Variants in CCSER2 observed in about 807,000 individuals in gnomAD.
The protein encoded by CCSER2 is serine-rich coiled-coil domain-containing protein 2.
A neutral mutation model predicts 92.3 loss-of-function variants in CCSER2; 46 were observed. The observed-to-expected ratio is 0.50, with a 90% confidence interval of 0.39 to 0.64. The LOEUF is 0.64. Among genes scored for constraint, CCSER2 ranks in the 30% least tolerant of loss-of-function variants. The pLI is 0.00. For missense variants in CCSER2, 1,244 were observed against 1,238.9 expected, an observed-to-expected ratio of 1.00 and a Z score of -0.06; for synonymous variants, 433 against 431.4, an observed-to-expected ratio of 1.00 and a Z score of -0.04.
chr10:84,457,314 TAATATA>T (rs1845752583), intron 6 of CCSER2, among the ~76,000 whole-genome samples: 4 of 70,780 alleles, frequency 5.7e-5, no homozygotes, highest in Admixed American at 5.5e-4. Flanking sequence ...ATGTTATATA[TAATATA>T]TTATATATAA....
intron 1 of CCSER2, among the ~76,000 whole-genome samples, chr10:84,363,118 A>T (rs2133125751): frequency 6.9e-6 from 1 of 145,354 alleles, no homozygotes; most frequent in East Asian, 2.0e-4. Flanking sequence ...AAGTGCTGGG[A>T]TTACAGGTGT....
chr10:84,360,749 A>T (rs1185889029), intron 1 of CCSER2, among the ~76,000 whole-genome samples: 3 of 152,120 alleles, frequency 2.0e-5, no homozygotes, highest in African/African-American at 7.2e-5. Flanking sequence ...CTAAGGCCTT[A>T]CCTTTGATAT....
In CCSER2 at chr10:84,483,956, TATATATATATATATATA is replaced by T. The variant is rs1847621910; in HGVS notation, c.2325+6293_2325+6309del. The stretch of plus-strand genomic sequence containing the variant: ...CATCCCACCACACCCGGCTAATTTA[TATATATATATATATATA>T]TATATATATATATATATATATATAA... On this transcript the variant is annotated intron_variant, in intron 9 of 9. Coordinates refer to ENST00000372088, the MANE Select transcript of CCSER2 (RefSeq NM_001284240.2). 7.9e-3 allele frequency among the ~76,000 whole-genome samples: 705 copies of T among 89,140 alleles called. 31 individuals carry two copies. Among genetic ancestry groups the T allele is most frequent in the East Asian group, 0.038 (143 of 3,734 alleles). 58.5% of individuals were successfully genotyped at this position (89,140 alleles called of 152,430 possible).
chr10:84,405,900 A>C (rs1031879866), intron 3 of CCSER2, among the ~76,000 whole-genome samples: 1 of 152,230 alleles, frequency 6.6e-6, no homozygotes, highest in Non-Finnish European at 1.5e-5. Flanking sequence ...TTTCTTGAGA[A>C]GTAAACATAC....
chr10:84,478,082 A>T (rs1313326839), intron 9 of CCSER2, among the ~76,000 whole-genome samples: 3 of 152,188 alleles, frequency 2.0e-5, no homozygotes, highest in Non-Finnish European at 4.4e-5. Context: ...GTTTATTATA[A>T]TTACTCAAAT....
chr10:84,399,204 A>T (rs1294112360), intron 3 of CCSER2, among the ~76,000 whole-genome samples: 2 of 152,112 alleles, frequency 1.3e-5, no homozygotes, highest in Non-Finnish European at 2.9e-5. Context: ...TACCTTTTGT[A>T]GTTTCCAGTG....
At chr10:84,368,174 A>T (rs1845880717) in intron 1 of CCSER2, among the ~76,000 whole-genome samples, 2 of 152,106 alleles carry the variant, frequency 1.3e-5, no homozygotes, top group Middle Eastern at 3.4e-3. Flanking sequence ...GGCAAATCAA[A>T]TTTTTTCTAT....
At chr10:84,332,436 A>ATATATATATATATT (rs1401635246) in intron 1 of CCSER2, among the ~76,000 whole-genome samples, 15 of 55,208 alleles carry the variant, frequency 2.7e-4, no homozygotes, top group South Asian at 1.8e-3. Flanking sequence ...ATATATATAT[A>ATATATATATATATT]TTTTTTTTTT....
chr10:84,397,957 ATT>A, intron 3 of CCSER2, among the ~76,000 whole-genome samples: 2 of 152,240 alleles, frequency 1.3e-5, no homozygotes, highest in African/African-American at 4.8e-5. Flanking sequence ...TAATTATAGC[ATT>A]TGAGAAACAG....
At chr10:84,478,861 G>T (rs1001818924) in intron 9 of CCSER2, among the ~76,000 whole-genome samples, 1 of 152,194 alleles carries the variant, frequency 6.6e-6, no homozygotes, top group Non-Finnish European at 1.5e-5. Context: ...GAAAGCAAAA[G>T]ATACCAACAG....
intron 3 of CCSER2, among the ~76,000 whole-genome samples, chr10:84,415,775 G>A (rs1416205937): frequency 1.3e-5 from 2 of 152,338 alleles, no homozygotes; most frequent in East Asian, 3.9e-4. Context: ...TTGACCAGAC[G>A]GCAGAGATGG....
chr10:84,419,073 T>C (rs955619068), intron 4 of CCSER2, among the ~76,000 whole-genome samples: 1 of 152,120 alleles, frequency 6.6e-6, no homozygotes, highest in African/African-American at 2.4e-5. Flanking sequence ...TACAGAAGTT[T>C]CCAGATAAGC....
Position 84,371,692 on chromosome 10 carries a change from A to C in CCSER2, c.640A>C (p.Asn214His). The change falls in exon 2 of 10, where the codon AAT (asparagine) becomes CAT (histidine). Residue 214 changes from asparagine (N) to histidine (H), a missense_variant. Transcript: ENST00000372088. ...ATCCCCAGACAGTAGTAAATCTATT[A>C]ATTGTGAAAAAATGGTAAGGTCACA... The part of the protein sequence containing the change: ...AQSPDSSKSI[N>H]CEKMVRSQSF... 5 of 1,613,736 alleles carry C rather than the reference A, an allele frequency of 3.1e-6. No individual in the cohort carries two copies. Among genetic ancestry groups the C allele is most frequent in the Non-Finnish European group, 4.2e-6 (5 of 1,179,862 alleles).
intron 5 of CCSER2, 22 bp from the exon 6 acceptor site, chr10:84,438,490 A>G: frequency 2.9e-6 from 4 of 1,398,510 alleles, no homozygotes; most frequent in Non-Finnish European, 3.9e-6. Flanking sequence ...TTTTCCCTCC[A>G]CCTTCTTCCC....
intron 4 of CCSER2, among the ~76,000 whole-genome samples, chr10:84,423,010 A>G (rs1234687918): frequency 6.6e-6 from 1 of 151,770 alleles, no homozygotes; most frequent in Non-Finnish European, 1.5e-5. Flanking sequence ...AGGCAAGATC[A>G]TGCCACTGCA....
chr10:84,404,212 C>T (rs1223802479), intron 3 of CCSER2, among the ~76,000 whole-genome samples: 1 of 152,178 alleles, frequency 6.6e-6, no homozygotes, highest in Non-Finnish European at 1.5e-5. Context: ...ACAGGGGGCT[C>T]CATGCCTTGA....
At chr10:84,440,106 A>G (rs891097451) in intron 6 of CCSER2, among the ~76,000 whole-genome samples, 1 of 152,222 alleles carries the variant, frequency 6.6e-6, no homozygotes, top group African/African-American at 2.4e-5. Flanking sequence ...AAAAAGTAGC[A>G]TAATTCAGGT....
intron 1 of CCSER2, among the ~76,000 whole-genome samples, chr10:84,335,915 T>G (rs1158815869): frequency 6.6e-6 from 1 of 152,166 alleles, no homozygotes; most frequent in Non-Finnish European, 1.5e-5. Context: ...TTGATGATAT[T>G]TTGGTCAGAG....
chr10:84,363,548 C>A (rs1031993623), intron 1 of CCSER2, among the ~76,000 whole-genome samples: 9 of 151,700 alleles, frequency 5.9e-5, no homozygotes, highest in Non-Finnish European at 1.3e-4. Flanking sequence ...CTGTTTAAAC[C>A]CCTAAAATGC....
Sources: gnomAD v4.1 joint callset for allele counts (sites outside exome capture counted in the v4.1 genomes callset) on GRCh38, gnomAD v4.1.1 for gene constraint, MANE v1.5 for transcripts, NCBI Gene and HGNC (gene_info 2026-07-23, HGNC 2026-07-21) for gene names.